ADCY3: variants seen among roughly 807,000 people sequenced by gnomAD.
The protein encoded by ADCY3 is adenylate cyclase type 3.
ADCY3 carries 70 observed loss-of-function variants against 119.4 expected under a neutral mutation model. That is an observed-to-expected ratio of 0.59 (90% confidence interval 0.48 to 0.72). The LOEUF is 0.72. ADCY3 is among the 30% of genes least tolerant of loss of function. The pLI is 0.00. For missense variants in ADCY3, 1,238 were observed against 1,541.6 expected, an observed-to-expected ratio of 0.80 and a Z score of 3.30; for synonymous variants, 672 against 621.4, an observed-to-expected ratio of 1.08 and a Z score of -1.21.
chr2:24,914,675 C>CA (rs70947853), intron 2 of ADCY3, among the ~76,000 whole-genome samples: 264 of 120,930 alleles, frequency 2.2e-3, no homozygotes, highest in South Asian at 0.012. Context: ...AACTCTGTCT[C>CA]AAAAAAAAAA....
At chr2:24,904,443 C>T (rs1679246501) in intron 2 of ADCY3, among the ~76,000 whole-genome samples, 1 of 151,944 alleles carries the variant, frequency 6.6e-6, no homozygotes, top group African/African-American at 2.4e-5. Context: ...ATCACTTGAA[C>T]CCGGGAGGCA....
chr2:24,843,635 G>A (rs1454450921), intron 3 of ADCY3, among the ~76,000 whole-genome samples: 1 of 152,250 alleles, frequency 6.6e-6, no homozygotes, highest in African/African-American at 2.4e-5. Flanking sequence ...TGTCAGAAGA[G>A]GTCTGTGGCT....
intron 15 of ADCY3, 98 bp downstream of exon 15, chr2:24,827,448 C>T: frequency 7.2e-7 from 1 of 1,379,876 alleles, no homozygotes; most frequent in Non-Finnish European, 1.0e-6. Flanking sequence ...TCACGTGCCT[C>T]CCGGGAGGGT....
At chr2:24,829,586 A>C (rs2148451312) in intron 13 of ADCY3, among the ~76,000 whole-genome samples, 1 of 150,616 alleles carries the variant, frequency 6.6e-6, no homozygotes, top group African/African-American at 2.4e-5. Flanking sequence ...ACGCCCGGCT[A>C]ATTTTTTTGT....
In ADCY3 at chr2:24,842,686, C is replaced by T; in HGVS notation, c.826-302G>A. 2.6e-6 allele frequency: 1 copy of T among 386,482 alleles called. No homozygotes were observed. Among genetic ancestry groups the T allele is most frequent in the South Asian group, 2.3e-5 (1 of 42,784 alleles). The allele number at this position is 386,482 out of a possible 1,614,324, so 23.9% of individuals were successfully genotyped here. On this transcript the variant is annotated intron_variant, in intron 3 of 21. Transcript: ENST00000679454. This position sits in a 1 kb window ranked among gnomAD's most constrained non-coding sequence, Gnocchi z 4.9. ...CATCCTCGTGCCACAAGAAGCGCAG[C>T]AGTCCTGCGTGGGCTGCTGCACCGT... is the stretch of plus-strand genomic sequence containing the variant.
At position 24,842,504 on chromosome 2, in the gene ADCY3, C is replaced by T. The variant is rs1292028973; in HGVS notation, c.826-120G>A. Reference sequence around the variant, plus strand: ...AACGTGAGCAGGGAACCATGCTGCCCTCCAGAGAGACCTCACAGATCTGCC... The same window carrying T: ...AACGTGAGCAGGGAACCATGCTGCCTTCCAGAGAGACCTCACAGATCTGCC... On this transcript the variant is annotated intron_variant, in intron 3 of 21. Coordinates refer to ENST00000679454, the MANE Select transcript of ADCY3 (RefSeq NM_004036.5). The surrounding 1 kb of genome is among the most constrained non-coding windows in gnomAD (Gnocchi z 4.9). 1.5e-6 allele frequency: 2 copies of T among 1,308,992 alleles called. No individual in the cohort carries two copies. The highest frequency in any genetic ancestry group is 2.1e-6 in the Non-Finnish European group (2 of 951,260). 81.1% of individuals were successfully genotyped at this position (1,308,992 alleles called of 1,614,324 possible).
intron 2 of ADCY3, among the ~76,000 whole-genome samples, chr2:24,879,976 T>C (rs1256422132): frequency 6.6e-6 from 1 of 152,226 alleles, no homozygotes; most frequent in Non-Finnish European, 1.5e-5. Flanking sequence ...TAAGCATCGC[T>C]GCACCAAGAG....
intron 21 of ADCY3, chr2:24,820,354 C>T: frequency 1.5e-6 from 2 of 1,328,232 alleles, no homozygotes; most frequent in East Asian, 3.0e-5. Flanking sequence ...CCTAGGATGG[C>T]CATGGTCACC....
rs1334249261 is a variant in ADCY3 at position 24,872,015 on chromosome 2, G to A, written c.825+555C>T. On this transcript the variant is annotated intron_variant, in intron 3 of 21. Transcript: ENST00000679454. This position sits in a 1 kb window ranked among gnomAD's most constrained non-coding sequence, Gnocchi z 4.4. ...AGTGACCTCAGATGGGAAGGTAAGG[G>A]AGGGAGGAGCTCCCCTGAGTGGGGG... Among the ~76,000 whole-genome samples, 2 of 152,222 alleles carry A rather than the reference G, an allele frequency of 1.3e-5. No homozygotes were observed. Among genetic ancestry groups the A allele is most frequent in the Non-Finnish European group, 2.9e-5 (2 of 68,042 alleles).
intron 17 of ADCY3, among the ~76,000 whole-genome samples, chr2:24,823,865 T>C (rs1350975602): frequency 1.3e-5 from 2 of 152,266 alleles, no homozygotes; most frequent in Non-Finnish European, 2.9e-5. Context: ...TTAATTTTTG[T>C]ATTTTTTAGT....
chr2:24,875,524 C>T (rs988428257), intron 2 of ADCY3, among the ~76,000 whole-genome samples: 2 of 152,244 alleles, frequency 1.3e-5, no homozygotes, highest in Admixed American at 6.5e-5. Flanking sequence ...CAGAGTGAGC[C>T]GCAGGAGCTG....
intron 2 of ADCY3, among the ~76,000 whole-genome samples, chr2:24,910,640 A>G (rs1332837801): frequency 6.6e-6 from 1 of 150,834 alleles, no homozygotes; most frequent in Non-Finnish European, 1.5e-5. Context: ...ATGCAATTTA[A>G]TATTTCCTTT....
intron 2 of ADCY3, among the ~76,000 whole-genome samples, chr2:24,912,352 ATG>A (rs1255224418): frequency 2.0e-5 from 3 of 151,992 alleles, no homozygotes; most frequent in Admixed American, 6.6e-5. Context: ...AACAAAAAGA[ATG>A]TGTAATTTGG....
At chr2:24,826,791 A>C (rs1668688101) in intron 15 of ADCY3, 1 of 152,430 alleles carries the variant, frequency 6.6e-6, no homozygotes, top group Admixed American at 6.5e-5. Flanking sequence ...GTGGGTGTGT[A>C]TGTAGGAGTG....
chr2:24,824,700 C>T (rs557357332), intron 16 of ADCY3, among the ~76,000 whole-genome samples, 164 bp from the exon 17 acceptor site: 3 of 152,136 alleles, frequency 2.0e-5, no homozygotes, highest in African/African-American at 7.2e-5. Context: ...ACCAGCCTGA[C>T]CAACATGGTG....
At chr2:24,835,017 G>A (rs1319263141) in intron 9 of ADCY3, 81 bp from the exon 10 acceptor site, 76 of 1,520,852 alleles carry the variant, frequency 5.0e-5, no homozygotes, top group Non-Finnish European at 6.4e-5. Flanking sequence ...AGGTGGAGGA[G>A]GAAAGGAACA....
chr2:24,913,199 C>G (rs1664009886), intron 2 of ADCY3, among the ~76,000 whole-genome samples: 1 of 152,240 alleles, frequency 6.6e-6, no homozygotes, highest in African/African-American at 2.4e-5. Flanking sequence ...CTGAAAGCCC[C>G]CAGGCCTGCT....
intron 2 of ADCY3, among the ~76,000 whole-genome samples, chr2:24,914,010 T>C (rs556650971): frequency 1.3e-5 from 2 of 151,962 alleles, no homozygotes; most frequent in African/African-American, 4.8e-5. Flanking sequence ...CCGCACTCAT[T>C]GGCCGCTGGT....
intron 2 of ADCY3, among the ~76,000 whole-genome samples, chr2:24,901,387 C>A (rs1410499924): frequency 6.6e-6 from 1 of 152,102 alleles, no homozygotes; most frequent in African/African-American, 2.4e-5. Flanking sequence ...ATATAACCTA[C>A]ACAGATAAAA....
Sources: allele counts gnomAD v4.1 joint callset (sites outside exome capture counted in the v4.1 genomes callset), GRCh38; gene constraint gnomAD v4.1.1; non-coding constraint Gnocchi (gnomAD v3.1); transcripts MANE v1.5; gene names NCBI Gene and HGNC (gene_info 2026-07-23, HGNC 2026-07-21).